The following PRKG1 variants were observed in gnomAD, a reference collection of about 807,000 sequenced individuals.
The protein encoded by PRKG1 is cGMP-dependent protein kinase 1.
PRKG1 carries 35 observed loss-of-function variants against 88.1 expected under a neutral mutation model. The ratio of observed to expected loss-of-function variants is 0.40; its 90% confidence interval spans 0.30 to 0.53. PRKG1 has a LOEUF of 0.53. Among genes scored for constraint, PRKG1 ranks in the 20% least tolerant of loss-of-function variants. The probability of loss-of-function intolerance (pLI) is 0.59; values close to 1 mark genes in which losing one functional copy is unlikely to be tolerated. For missense variants in PRKG1, 540 were observed against 839.8 expected (o/e 0.64, Z 4.41); for synonymous variants, 303 against 292.5 (o/e 1.04, Z -0.37).
At chr10:51,869,259 T>G (rs1294563829) in intron 4 of PRKG1, among the ~76,000 whole-genome samples, 1 of 152,162 alleles carries the variant, frequency 6.6e-6, no homozygotes, top group Non-Finnish European at 1.5e-5. Flanking sequence ...ATCCCATCAT[T>G]GCCTTAAATG....
At chr10:52,222,198 C>A (rs552854842) in intron 9 of PRKG1, among the ~76,000 whole-genome samples, 14 of 152,164 alleles carry the variant, frequency 9.2e-5, no homozygotes, top group Non-Finnish European at 1.6e-4. Flanking sequence ...CCCTTTTAAG[C>A]CATCAGAGTA....
intron 2 of PRKG1, among the ~76,000 whole-genome samples, chr10:51,349,018 A>T (rs113905345): frequency 3.8e-4 from 58 of 152,304 alleles, no homozygotes; most frequent in African/African-American, 1.3e-3. Context: ...GATGATGCTA[A>T]TTAATCCCTT....
chr10:51,194,458 A>C (rs1434495375), intron 2 of PRKG1, among the ~76,000 whole-genome samples: 3 of 152,002 alleles, frequency 2.0e-5, no homozygotes, highest in East Asian at 3.9e-4. Context: ...CTCATAATGA[A>C]GTTTCTGTGT....
At chr10:51,332,594 A>G (rs1841769647) in intron 2 of PRKG1, among the ~76,000 whole-genome samples, 1 of 152,222 alleles carries the variant, frequency 6.6e-6, no homozygotes, top group South Asian at 2.1e-4. Context: ...AAGGTTAGGT[A>G]GTATTAAAGA....
chr10:51,041,151 C>T (rs1034906740), intron 1 of PRKG1, among the ~76,000 whole-genome samples: 1 of 152,070 alleles, frequency 6.6e-6, no homozygotes, highest in Admixed American at 6.6e-5. Flanking sequence ...GATGTTCATT[C>T]AAGGCCCAAG....
chr10:51,633,501 T>A (rs1415559889), intron 3 of PRKG1, among the ~76,000 whole-genome samples: 1 of 152,208 alleles, frequency 6.6e-6, no homozygotes, highest in Non-Finnish European at 1.5e-5. Flanking sequence ...GTGAAGCTTT[T>A]GTTTTCACAA....
chr10:51,214,848 C>T (rs978334727), intron 2 of PRKG1, among the ~76,000 whole-genome samples: 3 of 152,102 alleles, frequency 2.0e-5, no homozygotes, highest in South Asian at 2.1e-4. Flanking sequence ...TACATGAGCA[C>T]GTGGATTGGC....
chr10:51,664,122 A>C (rs1476428401), intron 3 of PRKG1, among the ~76,000 whole-genome samples: 1 of 152,096 alleles, frequency 6.6e-6, no homozygotes, highest in Non-Finnish European at 1.5e-5. Context: ...TACAATTTAT[A>C]TTTTCTTGAG....
intron 5 of PRKG1, among the ~76,000 whole-genome samples, chr10:52,025,394 C>T (rs1022921140): frequency 1.3e-5 from 2 of 152,086 alleles, no homozygotes; most frequent in Non-Finnish European, 2.9e-5. Context: ...GTCATGAAGT[C>T]CTTGCCCATG....
chr10:52,045,761 G>A (rs888258844), intron 5 of PRKG1, among the ~76,000 whole-genome samples: 9 of 152,006 alleles, frequency 5.9e-5, no homozygotes, highest in Non-Finnish European at 1.0e-4. Context: ...AAGGAGTTTA[G>A]GTTTTCTAGG....
chr10:52,230,200 G>GT (rs1840489165), intron 9 of PRKG1, among the ~76,000 whole-genome samples: 1 of 152,126 alleles, frequency 6.6e-6, no homozygotes, highest in Admixed American at 6.5e-5. Flanking sequence ...ACTTTATATA[G>GT]TAACACCTTA....
chr10:52,269,186 G>T (rs183104276), intron 10 of PRKG1, among the ~76,000 whole-genome samples: 1 of 152,196 alleles, frequency 6.6e-6, no homozygotes, highest in East Asian at 1.9e-4. Context: ...TCTGAAGAGG[G>T]AATATGACTT....
chr10:51,687,772 C>T (rs1841030469), intron 3 of PRKG1, among the ~76,000 whole-genome samples: 3 of 152,216 alleles, frequency 2.0e-5, no homozygotes, highest in Admixed American at 2.0e-4. Context: ...ATAAATGTTT[C>T]TACCAATTCA....
At chr10:52,223,249 C>T (rs376561378) in intron 9 of PRKG1, among the ~76,000 whole-genome samples, 12 of 152,110 alleles carry the variant, frequency 7.9e-5, no homozygotes, top group African/African-American at 2.4e-4. Flanking sequence ...CATCCTCTCC[C>T]GGAGCTTTTA....
chr10:52,083,479 A>T (rs1354654724), intron 7 of PRKG1, among the ~76,000 whole-genome samples: 1 of 152,034 alleles, frequency 6.6e-6, no homozygotes, highest in Non-Finnish European at 1.5e-5. Flanking sequence ...ACACTTTAGA[A>T]CAGGACCGGA....
intron 3 of PRKG1, among the ~76,000 whole-genome samples, chr10:51,615,385 T>C (rs930184283): frequency 1.3e-5 from 2 of 152,154 alleles, no homozygotes; most frequent in Non-Finnish European, 2.9e-5. Flanking sequence ...TCTTGCTAGA[T>C]TTGGGAAGTA....
At chr10:51,384,943 A>C (rs1292524311) in intron 2 of PRKG1, among the ~76,000 whole-genome samples, 2 of 152,192 alleles carry the variant, frequency 1.3e-5, no homozygotes, top group Admixed American at 1.3e-4. Context: ...AAAAACTAAA[A>C]CAAAACAAAG....
intron 3 of PRKG1, among the ~76,000 whole-genome samples, chr10:51,475,698 C>A (rs1840170867): frequency 6.6e-6 from 1 of 151,716 alleles, no homozygotes; most frequent in Non-Finnish European, 1.5e-5. Flanking sequence ...TTAATATATT[C>A]TTTTGAAGAA....
At chr10:52,291,847 T>G (rs536375343) in intron 17 of PRKG1, among the ~76,000 whole-genome samples, 3,915 of 151,622 alleles carry the variant, frequency 0.026, 134 homozygotes, top group African/African-American at 0.085. Context: ...CACAATGGTT[T>G]AACTAGTTTA....
Sources: gnomAD v4.1 joint callset for allele counts (sites outside exome capture counted in the v4.1 genomes callset) on GRCh38, gnomAD v4.1.1 for gene constraint, MANE v1.5 for transcripts, NCBI Gene and HGNC (gene_info 2026-07-23, HGNC 2026-07-21) for gene names.